The following ST3GAL4 variants were observed in gnomAD, a reference collection of about 807,000 sequenced individuals.
ST3GAL4 encodes the protein ST3 beta-galactoside alpha-2,3-sialyltransferase 4, also known as CMP-N-acetylneuraminate-beta-galactosamide-alpha-2,3-sialyltransferase 4.
A neutral mutation model predicts 42.6 loss-of-function variants in ST3GAL4; 24 were observed. That is an observed-to-expected ratio of 0.56 (90% CI 0.41 to 0.79). The LOEUF is 0.79. ST3GAL4 is among the 30% of genes least tolerant of loss of function. The pLI, the probability that ST3GAL4 is intolerant of heterozygous loss-of-function variation, is 0.00. For synonymous variants in ST3GAL4, 135 were observed against 163.2 expected (o/e 0.83, Z 1.32); for missense variants, 311 against 430.8 (o/e 0.72, Z 2.46).
intron 1 of ST3GAL4, among the ~76,000 whole-genome samples, chr11:126,381,621 G>A (rs1308694724): frequency 2.8e-5 from 4 of 145,120 alleles, no homozygotes; most frequent in Non-Finnish European, 4.5e-5. Flanking sequence ...GCTTCCTGGG[G>A]AGGGGAGGGT....
At position 126,413,851 on chromosome 11, in the gene ST3GAL4, G is replaced by C. The variant is rs951430441; in HGVS notation, c.916-110G>C. The C allele has an allele frequency of 6.3e-6, 9 of 1,438,372 alleles. No homozygotes were observed. The African/African-American group carries it at 1.3e-4, about 20-fold the overall frequency. 89.1% of individuals were successfully genotyped at this position (1,438,372 alleles called of 1,614,324 possible). ...TCTTCCTTCCAAGAGCCAGCCTGGGGAAGGGAGCTCCCAAGAAGTGTGGGG... is the reference window on the plus strand; with the variant it reads ...TCTTCCTTCCAAGAGCCAGCCTGGGCAAGGGAGCTCCCAAGAAGTGTGGGG... On this transcript the variant is annotated intron_variant, in intron 10 of 10. Transcript: ENST00000444328.
At chr11:126,389,113 C>CTACT (rs1953369454) in intron 1 of ST3GAL4, among the ~76,000 whole-genome samples, 1 of 152,168 alleles carries the variant, frequency 6.6e-6, no homozygotes, top group African/African-American at 2.4e-5. Flanking sequence ...TGTCTTCTCT[C>CTACT]TACTCCTCCC....
At chr11:126,401,777 G>T (rs1954006443) in intron 1 of ST3GAL4, among the ~76,000 whole-genome samples, 1 of 152,092 alleles carries the variant, frequency 6.6e-6, no homozygotes, top group South Asian at 2.1e-4. Context: ...GCCTCAGCAA[G>T]AGCAATTTCA....
At chr11:126,403,049 G>T (rs1056723025) in intron 1 of ST3GAL4, among the ~76,000 whole-genome samples, 2 of 152,180 alleles carry the variant, frequency 1.3e-5, no homozygotes, top group Non-Finnish European at 2.9e-5. Flanking sequence ...CAGCAATGTG[G>T]GGGAGCTGCT....
chr11:126,356,483 G>A (rs1952067620), intron 1 of ST3GAL4, among the ~76,000 whole-genome samples: 1 of 152,196 alleles, frequency 6.6e-6, no homozygotes, highest in Admixed American at 6.5e-5. Flanking sequence ...GGCTGGCAGG[G>A]ACCTCCCGGC....
chr11:126,395,444 C>T (rs529703407), intron 1 of ST3GAL4, among the ~76,000 whole-genome samples: 23 of 152,226 alleles, frequency 1.5e-4, no homozygotes, highest in Admixed American at 3.9e-4. Flanking sequence ...GAGCATAAAT[C>T]GCAAAGGCCC....
At chr11:126,403,238 G>GA (rs1359542387) in intron 1 of ST3GAL4, 1 of 363,514 alleles carries the variant, frequency 2.8e-6, no homozygotes, top group Non-Finnish European at 3.8e-6. Context: ...GCGCAACACT[G>GA]ACGCTGTTTT....
Position 126,402,116 on chromosome 11 carries a change from C to T in ST3GAL4, c.-60-3980C>T, listed in dbSNP as rs565827992. 1.9e-3 allele frequency among the ~76,000 whole-genome samples: 279 copies of T among 149,238 alleles called. 1 individual carries two copies. Among genetic ancestry groups the T allele is most frequent in the Non-Finnish European group, 3.1e-3 (208 of 67,578 alleles). On this transcript the variant is annotated intron_variant, in intron 1 of 10. Coordinates refer to ENST00000444328, the MANE Select transcript of ST3GAL4 (RefSeq NM_001254757.2). ...AAGAGGGGAGGTAGGAGAGTCTAGA[C>T]GTAGACAGCAGGCAGACAGGGGCTC...
At chr11:126,367,957 G>T (rs1952495586) in intron 1 of ST3GAL4, among the ~76,000 whole-genome samples, 1 of 151,886 alleles carries the variant, frequency 6.6e-6, no homozygotes, top group African/African-American at 2.4e-5. Flanking sequence ...AGACCAGCCT[G>T]GTCAACATGG....
At chr11:126,372,479 C>T (rs562604920) in intron 1 of ST3GAL4, among the ~76,000 whole-genome samples, 82 of 150,558 alleles carry the variant, frequency 5.4e-4, no homozygotes, top group Admixed American at 8.6e-4. Context: ...TGTAATGGCG[C>T]GATCTCAGCT....
At position 126,383,322 on chromosome 11, in the gene ST3GAL4, G is replaced by A. The variant is rs985437059; in HGVS notation, c.-60-22774G>A. On this transcript the variant is annotated intron_variant, in intron 1 of 10. Transcript: ENST00000444328. This position sits in a 1 kb window ranked among gnomAD's most constrained non-coding sequence, Gnocchi z 4.5. Reference sequence around the variant, plus strand: ...TGGCACAGCCACTCCCTGCCCCTTAGAGGCTCTGGGCTGCCTGGTGACAGC... The same window carrying A: ...TGGCACAGCCACTCCCTGCCCCTTAAAGGCTCTGGGCTGCCTGGTGACAGC... Among the ~76,000 whole-genome samples, 8 of 152,174 alleles carry A rather than the reference G, an allele frequency of 5.3e-5. No individual in the cohort carries two copies. Among genetic ancestry groups the A allele is most frequent in the African/African-American group, 1.9e-4 (8 of 41,464 alleles).
chr11:126,407,004 G>T lies in ST3GAL4; in HGVS notation c.163G>T (p.Ala55Ser). Reference protein sequence around the residue: ...PCLQGEAESKASKLFGNYSRD... With the variant: ...PCLQGEAESKSSKLFGNYSRD... Reference sequence around the variant, plus strand: ...CCTCCAGGGTGAGGCAGAGAGCAAGGCCTCTAAGCTCTTTGGCAAGTAAGT... The same window carrying T: ...CCTCCAGGGTGAGGCAGAGAGCAAGTCCTCTAAGCTCTTTGGCAAGTAAGT... The change falls in exon 4 of 11, where the codon GCC becomes TCC. Residue 55 changes from alanine (A) to serine (S), a missense_variant. By Grantham distance (99) the Ala-to-Ser change is moderately conservative (BLOSUM62 1). Transcript: ENST00000444328. 1 of 1,614,038 alleles carries T rather than the reference G, an allele frequency of 6.2e-7. No individual in the cohort carries two copies. Among genetic ancestry groups the T allele is most frequent in the Non-Finnish European group, 8.5e-7 (1 of 1,179,968 alleles).
chr11:126,377,645 C>T (rs1437855785), intron 1 of ST3GAL4, among the ~76,000 whole-genome samples: 10 of 151,482 alleles, frequency 6.6e-5, no homozygotes, highest in African/African-American at 1.5e-4. Flanking sequence ...CCACCACACC[C>T]GGCTAATTTT....
chr11:126,360,396 A>T (rs767688748), intron 1 of ST3GAL4, among the ~76,000 whole-genome samples: 1 of 152,158 alleles, frequency 6.6e-6, no homozygotes, highest in Non-Finnish European at 1.5e-5. Flanking sequence ...GGGTTTTGCC[A>T]TGTTGCCCAG....
chr11:126,406,027 G>T lies in ST3GAL4; in HGVS notation c.-60-69G>T. The stretch of plus-strand genomic sequence containing the variant: ...GAAGGGAGGGGCAGACAGTGGGTGT[G>T]TCCTGCTCCAGTGTCTAGGCAGGAG... On this transcript the variant is annotated intron_variant, in intron 1 of 10. Transcript: ENST00000444328. This position sits in a 1 kb window ranked among gnomAD's most constrained non-coding sequence, Gnocchi z 5.4. The T allele has an allele frequency of 6.6e-7, 1 of 1,520,914 alleles. No individual in the cohort carries two copies. The highest frequency in any genetic ancestry group is 1.2e-5 in the South Asian group (1 of 83,318). The allele number at this position is 1,520,914 out of a possible 1,614,324, so 94.2% of individuals were successfully genotyped here. A position where few individuals can be genotyped will look rare whatever the true frequency, so the allele number is the denominator to read the frequency against.
Position 126,396,700 on chromosome 11 carries a change from C to T in ST3GAL4, c.-60-9396C>T, listed in dbSNP as rs1290224405. Among the ~76,000 whole-genome samples the T allele has an allele frequency of 2.7e-5, 4 of 150,828 alleles. No homozygotes were observed. Among genetic ancestry groups the T allele is most frequent in the East Asian group, 2.0e-4 (1 of 5,028 alleles). On this transcript the variant is annotated intron_variant, in intron 1 of 10. Transcript: ENST00000444328. The surrounding 1 kb of genome is among the most constrained non-coding windows in gnomAD (Gnocchi z 5.8). Reference sequence around the variant, plus strand: ...GTGGAGTCTAGGGAGCCAGTCTGCACGGGATGGTTTTAGAAGCCGTAGGAT... The same window carrying T: ...GTGGAGTCTAGGGAGCCAGTCTGCATGGGATGGTTTTAGAAGCCGTAGGAT...
chr11:126,367,435 G>T (rs906364176), intron 1 of ST3GAL4, among the ~76,000 whole-genome samples: 3 of 152,180 alleles, frequency 2.0e-5, no homozygotes, highest in Non-Finnish European at 4.4e-5. Flanking sequence ...GGGGGCAGTG[G>T]CTGAGGACCC....
chr11:126,383,535 A>C lies in ST3GAL4; in HGVS notation c.-60-22561A>C, dbSNP rs1041748459. ...CAAGCCCCGGAAGCTGTATGTGGGC[A>C]TGGGGGGCGGGGGCAGAGAGGAGGA... On this transcript the variant is annotated intron_variant, in intron 1 of 10. Coordinates refer to ENST00000444328, the MANE Select transcript of ST3GAL4 (RefSeq NM_001254757.2). This position sits in a 1 kb window ranked among gnomAD's most constrained non-coding sequence, Gnocchi z 4.5. Among the ~76,000 whole-genome samples, 2 of 152,046 alleles carry C rather than the reference A, an allele frequency of 1.3e-5. No homozygotes were observed. Among genetic ancestry groups the C allele is most frequent in the African/African-American group, 4.8e-5 (2 of 41,410 alleles).
intron 1 of ST3GAL4, among the ~76,000 whole-genome samples, chr11:126,371,744 G>C (rs1460070975): frequency 1.3e-5 from 2 of 152,208 alleles, no homozygotes; most frequent in Admixed American, 6.5e-5. Flanking sequence ...AAACATGCTT[G>C]AATGGGGTGT....
Sources: gnomAD v4.1 joint callset for allele counts (sites outside exome capture counted in the v4.1 genomes callset) on GRCh38, gnomAD v4.1.1 for gene constraint, Gnocchi (gnomAD v3.1) non-coding constraint, MANE v1.5 for transcripts, NCBI Gene and HGNC (gene_info 2026-07-23, HGNC 2026-07-21) for gene names.